Variants in KALRN observed in about 807,000 individuals in gnomAD.
The protein encoded by KALRN is kalirin.
In KALRN, 70 loss-of-function variants were observed where a neutral mutation model predicts 353.7. The observed-to-expected ratio is 0.20, with a 90% CI of 0.16 to 0.24. The LOEUF is 0.24. KALRN is among the 10% of genes least tolerant of loss of function. The probability of loss-of-function intolerance (pLI) is 1.00; values close to 1 mark genes in which losing one functional copy is unlikely to be tolerated. For synonymous variants in KALRN, 1,391 were observed against 1,434.8 expected, an observed-to-expected ratio of 0.97 and a Z score of 0.69; for missense variants, 2,791 against 3,756.7, an observed-to-expected ratio of 0.74 and a Z score of 6.72.
At chr3:124,043,890 AG>A (rs1415958719) in intron 1 of KALRN, among the ~76,000 whole-genome samples, 1 of 152,110 alleles carries the variant, frequency 6.6e-6, no homozygotes, top group Non-Finnish European at 1.5e-5. Flanking sequence ...GAAAGAAGTA[AG>A]TGAGGAGAGG....
chr3:124,647,850 C>T lies in KALRN; in HGVS notation c.5665-2958C>T, dbSNP rs1160257593. ...TATGAGTATATGATCCCAGATCCAGCGCCCAGGAAATGTGTTCATTTTAAA... is the reference window on the plus strand; with the variant it reads ...TATGAGTATATGATCCCAGATCCAGTGCCCAGGAAATGTGTTCATTTTAAA... On this transcript the variant is annotated intron_variant, in intron 37 of 59. Coordinates refer to ENST00000682506, the MANE Select transcript of KALRN (RefSeq NM_001388419.1). Among the ~76,000 whole-genome samples, 5 of 152,186 alleles carry T rather than the reference C, an allele frequency of 3.3e-5. No homozygotes were observed. The East Asian group carries it at 7.7e-4, about 23-fold the overall frequency.
chr3:124,126,183 A>T (rs2064643602), intron 1 of KALRN, among the ~76,000 whole-genome samples: 1 of 151,462 alleles, frequency 6.6e-6, no homozygotes, highest in African/African-American at 2.4e-5. Flanking sequence ...CAACTTAATG[A>T]TTCTGTTTTT....
chr3:124,474,740 AC>A lies in KALRN; in HGVS notation c.4101+10del, dbSNP rs1398569681. 1.2e-6 allele frequency: 2 copies of A among 1,611,442 alleles called. No individual in the cohort carries two copies. ...CACTGCTTTGTTACCTGGGTAACCA[AC>A]CTGAAATCCTTCTCCCACTGCCCAT... On this transcript the variant is annotated intron_variant, in intron 26 of 59. Transcript: ENST00000682506.
At chr3:124,533,092 T>A (rs1209780974) in intron 33 of KALRN, among the ~76,000 whole-genome samples, 1 of 150,912 alleles carries the variant, frequency 6.6e-6, no homozygotes, top group Non-Finnish European at 1.5e-5. Context: ...TAGTAATTTT[T>A]AAAAAATTGT....
chr3:124,166,798 G>A (rs1404014320), intron 1 of KALRN, among the ~76,000 whole-genome samples: 1 of 152,050 alleles, frequency 6.6e-6, no homozygotes, highest in Non-Finnish European at 1.5e-5. Context: ...CAGCACTTTG[G>A]GAGGCTGAGG....
chr3:124,688,195 G>A (rs376878985), intron 51 of KALRN, among the ~76,000 whole-genome samples: 13 of 151,954 alleles, frequency 8.6e-5, no homozygotes, highest in South Asian at 2.1e-4. Flanking sequence ...ACCTGTAGTC[G>A]CAGCTCCTCA....
rs1561136973 is a variant in KALRN, at chr3:124,495,992, TATATATATATATATATATATAC to T, written c.4833-317_4833-296del. Among the ~76,000 whole-genome samples the T allele has an allele frequency of 8.2e-4, 46 of 55,932 alleles. 6 individuals are homozygous for T. The highest frequency in any genetic ancestry group is 1.3e-3 in the Non-Finnish European group (42 of 32,138). The allele number at this position is 55,932 out of a possible 152,430, so 36.7% of individuals were successfully genotyped here. On this transcript the variant is annotated intron_variant, in intron 32 of 59. Transcript: ENST00000682506. ...ATATATATATATATATATATATATA[TATATATATATATATATATATAC>T]ACACACATATATACATACATACACC...
At position 124,269,073 on chromosome 3, in the gene KALRN, G is replaced by T. The variant is rs527852522; in HGVS notation, c.787G>T (p.Gly263Cys). The change falls in exon 5 of 60, where the codon GGC becomes TGC. Residue 263 changes from glycine (G) to cysteine (C), a missense_variant. Physicochemically the swap from Gly to Cys is radical, Grantham distance 159. Coordinates refer to ENST00000682506, the MANE Select transcript of KALRN (RefSeq NM_001388419.1). ...GCTGCAGTGCATCCGCTGCAGCGACGGCTTCTCAGGACGCAACTGCATCCC... is the reference window on the plus strand; with the variant it reads ...GCTGCAGTGCATCCGCTGCAGCGACTGCTTCTCAGGACGCAACTGCATCCC... ...RLLQCIRCSD[G>C]FSGRNCIPGS... 1.2e-6 allele frequency: 2 copies of T among 1,612,348 alleles called. No homozygotes were observed. The highest frequency in any genetic ancestry group is 3.3e-5 in the Admixed American group (2 of 59,806).
Position 124,334,582 on chromosome 3 carries a change from A to G in KALRN, c.1647+87A>G. The G allele has an allele frequency of 1.2e-6, 1 of 851,372 alleles. No homozygotes were observed. The highest frequency in any genetic ancestry group is 1.9e-6 in the Non-Finnish European group (1 of 539,012). 52.7% of individuals were successfully genotyped at this position (851,372 alleles called of 1,614,324 possible). ...CCTGACCTAGGTGATCAGGCTTAGG[A>G]GAGCCCAGATTTATAGAAGGACATA... On this transcript the variant is annotated intron_variant, in intron 9 of 59. Transcript: ENST00000682506. The surrounding 1 kb of genome is among the most constrained non-coding windows in gnomAD (Gnocchi z 4.2).
At chr3:124,461,283 C>T (rs2107681498) in intron 23 of KALRN, among the ~76,000 whole-genome samples, 1 of 152,138 alleles carries the variant, frequency 6.6e-6, no homozygotes, top group South Asian at 2.1e-4. Flanking sequence ...GCTCCTTTCA[C>T]ATGACAACAG....
intron 1 of KALRN, among the ~76,000 whole-genome samples, chr3:124,066,024 G>GATCC (rs2042329563): frequency 6.6e-6 from 1 of 152,178 alleles, no homozygotes; most frequent in Non-Finnish European, 1.5e-5. Flanking sequence ...GGGGATCCAG[G>GATCC]ATCCCTGATG....
intron 1 of KALRN, among the ~76,000 whole-genome samples, chr3:124,195,380 G>A (rs1373303327): frequency 6.6e-6 from 1 of 152,188 alleles, no homozygotes; most frequent in African/African-American, 2.4e-5. Flanking sequence ...AAAGGATGGA[G>A]CATGTACAAG....
intron 34 of KALRN, among the ~76,000 whole-genome samples, chr3:124,593,918 C>T (rs1685897401): frequency 6.6e-6 from 1 of 152,100 alleles, no homozygotes; most frequent in South Asian, 2.1e-4. Context: ...GTCTCTAACT[C>T]CTGGGTTCAA....
At chr3:124,236,551 G>A (rs975946519) in intron 3 of KALRN, among the ~76,000 whole-genome samples, 5 of 152,218 alleles carry the variant, frequency 3.3e-5, no homozygotes, top group South Asian at 2.1e-4. Context: ...TTGGGATCCC[G>A]GAAGACACAA....
chr3:124,047,678 T>A (rs7623692), intron 1 of KALRN, among the ~76,000 whole-genome samples: 35 of 150,894 alleles, frequency 2.3e-4, no homozygotes, highest in South Asian at 1.1e-3. Flanking sequence ...TATTTTTTTT[T>A]ATTTTTAGTA....
At chr3:124,265,475 T>G (rs2148894733) in intron 4 of KALRN, among the ~76,000 whole-genome samples, 1 of 151,526 alleles carries the variant, frequency 6.6e-6, no homozygotes, top group East Asian at 2.0e-4. Flanking sequence ...GTGTTTTTAG[T>G]AGAGATAGGG....
At chr3:124,423,021 G>T (rs767972438) in intron 15 of KALRN, 43 bp downstream of exon 15, 17 of 1,600,812 alleles carry the variant, frequency 1.1e-5, no homozygotes, top group Middle Eastern at 1.9e-4. Flanking sequence ...TTCTCAGCCA[G>T]CTGAGCCTGA....
chr3:124,489,957 T>A (rs958164546), intron 29 of KALRN, among the ~76,000 whole-genome samples: 2 of 152,202 alleles, frequency 1.3e-5, no homozygotes, highest in Non-Finnish European at 2.9e-5. Context: ...AGGGAGGAAT[T>A]CTAGAAATGG....
At chr3:124,047,864 G>T (rs1407248088) in intron 1 of KALRN, among the ~76,000 whole-genome samples, 1 of 151,988 alleles carries the variant, frequency 6.6e-6, no homozygotes, top group Non-Finnish European at 1.5e-5. Flanking sequence ...CTGGCTAACT[G>T]TAGACCATTT....
Sources: allele counts gnomAD v4.1 joint callset (sites outside exome capture counted in the v4.1 genomes callset), GRCh38; gene constraint gnomAD v4.1.1; non-coding constraint Gnocchi (gnomAD v3.1); transcripts MANE v1.5; gene names NCBI Gene and HGNC (gene_info 2026-07-23, HGNC 2026-07-21).